The following FOXP1 variants were observed in gnomAD, a reference collection of about 807,000 sequenced individuals.
FOXP1 encodes the protein forkhead box P1, also known as forkhead box protein P1.
Under a neutral mutation model 98.2 loss-of-function variants are expected in FOXP1, and 15 were observed. The observed-to-expected ratio is 0.15, with a 90% confidence interval of 0.10 to 0.24. The LOEUF is 0.24. Ranked by LOEUF, FOXP1 falls within the 10% of genes least tolerant of loss-of-function variation. FOXP1 has a pLI of 1.00. For missense variants in FOXP1, 633 were observed against 848.5 expected, an observed-to-expected ratio of 0.75 and a Z score of 3.15; for synonymous variants, 371 against 314.5, an observed-to-expected ratio of 1.18 and a Z score of -1.90.
chr3:71,243,747 T>C (rs1185640633), intron 5 of FOXP1, among the ~76,000 whole-genome samples: 1 of 152,206 alleles, frequency 6.6e-6, no homozygotes, highest in East Asian at 1.9e-4. Context: ...TTTGCACTTG[T>C]TTTCAATTAT....
intron 11 of FOXP1, among the ~76,000 whole-genome samples, chr3:71,033,252 C>T (rs1267093411): frequency 2.6e-5 from 4 of 152,100 alleles, no homozygotes; most frequent in Non-Finnish European, 2.9e-5. Flanking sequence ...AGAATGTCTA[C>T]CTTACAAGGT....
intron 6 of FOXP1, among the ~76,000 whole-genome samples, chr3:71,194,663 A>G (rs558912463): frequency 6.6e-6 from 1 of 152,358 alleles, no homozygotes; most frequent in African/African-American, 2.4e-5. Flanking sequence ...TGCACATCCA[A>G]TACAACTTTT....
chr3:71,399,040 T>A (rs1023573466), intron 3 of FOXP1, among the ~76,000 whole-genome samples: 1 of 152,198 alleles, frequency 6.6e-6, no homozygotes, highest in Non-Finnish European at 1.5e-5. Flanking sequence ...GATTTAGACA[T>A]AAAAGTTATT....
At chr3:71,078,222 G>A (rs887827361) in intron 7 of FOXP1, among the ~76,000 whole-genome samples, 1 of 152,204 alleles carries the variant, frequency 6.6e-6, no homozygotes, top group Non-Finnish European at 1.5e-5. Context: ...TTCACATAGT[G>A]TTAAGGAAAA....
chr3:71,543,014 G>A (rs1211140203), intron 2 of FOXP1, among the ~76,000 whole-genome samples: 3 of 152,158 alleles, frequency 2.0e-5, no homozygotes, highest in Admixed American at 6.5e-5. Context: ...TGTTTAGCCC[G>A]CACAATACTG....
intron 6 of FOXP1, among the ~76,000 whole-genome samples, chr3:71,125,099 CCCATGCCTTG>C (rs2059066218): frequency 6.6e-6 from 1 of 152,310 alleles, no homozygotes; most frequent in African/African-American, 2.4e-5. Context: ...CAAACATTCA[CCCATGCCTTG>C]CCAATTCTCA....
intron 20 of FOXP1, among the ~76,000 whole-genome samples, chr3:70,962,630 T>TG: frequency 6.6e-6 from 1 of 152,338 alleles, no homozygotes; most frequent in South Asian, 2.1e-4. Flanking sequence ...ATTACTGAAA[T>TG]TTATGTTTTA....
chr3:71,066,819 GACTA>G (rs1553721128), intron 7 of FOXP1, among the ~76,000 whole-genome samples: 2 of 152,216 alleles, frequency 1.3e-5, no homozygotes, highest in Non-Finnish European at 2.9e-5. Context: ...TCAGAAGGTG[GACTA>G]ACTCCTTAGC....
intron 3 of FOXP1, among the ~76,000 whole-genome samples, chr3:71,397,088 A>ATATACATATACATACATATGTG (rs1553871660): frequency 1.5e-4 from 1 of 6,498 alleles, no homozygotes; most frequent in Non-Finnish European, 2.7e-4. Flanking sequence ...ATATATGTGT[A>ATATACATATACATACATATGTG]TATATATATA....
chr3:71,295,540 G>A (rs1224704694), intron 5 of FOXP1, among the ~76,000 whole-genome samples: 1 of 150,422 alleles, frequency 6.6e-6, no homozygotes, highest in Non-Finnish European at 1.5e-5. Flanking sequence ...TTGTTTTTTA[G>A]TTTTCTCTCA....
chr3:71,131,372 G>A (rs181108464), intron 6 of FOXP1, among the ~76,000 whole-genome samples: 1 of 138,980 alleles, frequency 7.2e-6, no homozygotes, highest in Admixed American at 8.0e-5. Context: ...TTGAAAAACA[G>A]GAGGAAGAGT....
intron 7 of FOXP1, among the ~76,000 whole-genome samples, chr3:71,066,121 A>G (rs2052477218): frequency 6.6e-6 from 1 of 151,408 alleles, no homozygotes; most frequent in African/African-American, 2.4e-5. Flanking sequence ...AGGCAACAAA[A>G]TCTGACCCAG....
chr3:71,120,233 A>G (rs2058663266), intron 6 of FOXP1, among the ~76,000 whole-genome samples: 1 of 152,142 alleles, frequency 6.6e-6, no homozygotes, highest in African/African-American at 2.4e-5. Flanking sequence ...AAGGGTGTGG[A>G]CTCTGAACAT....
chr3:71,298,150 G>A (rs894520751), intron 5 of FOXP1, among the ~76,000 whole-genome samples: 1 of 152,124 alleles, frequency 6.6e-6, no homozygotes, highest in Non-Finnish European at 1.5e-5. Context: ...CCTTGATATA[G>A]ATTAATGTCT....
Position 70,958,787 on chromosome 3 carries a change from T to TCAACATG in FOXP1, c.*453_*459dup, listed in dbSNP as rs1414143874. On this transcript the variant is annotated 3_prime_UTR_variant, in exon 21 of 21. Transcript: ENST00000649528. ...AAAAAAGGAGTAAAGGCAGTGATAA[T>TCAACATG]CAACATGCAGTACTGTGCAAATAGG... is the stretch of plus-strand genomic sequence containing the variant. 8.9e-6 allele frequency: 1 copy of TCAACATG among 111,928 alleles called. No individual in the cohort carries two copies. Among genetic ancestry groups the TCAACATG allele is most frequent in the Non-Finnish European group, 1.7e-5 (1 of 60,410 alleles). The allele number at this position is 111,928 out of a possible 1,614,324, so 6.9% of individuals were successfully genotyped here. A position where few individuals can be genotyped will look rare whatever the true frequency, so the allele number is the denominator to read the frequency against.
At chr3:71,534,574 G>A (rs1391460888) in intron 2 of FOXP1, among the ~76,000 whole-genome samples, 5 of 152,208 alleles carry the variant, frequency 3.3e-5, no homozygotes, top group Non-Finnish European at 7.3e-5. Context: ...CTTATAAGCA[G>A]TAATTAAACT....
chr3:71,265,541 G>A (rs2069554939), intron 5 of FOXP1, among the ~76,000 whole-genome samples: 3 of 152,200 alleles, frequency 2.0e-5, no homozygotes, highest in Admixed American at 1.3e-4. Flanking sequence ...CCAGATGTGA[G>A]ACAAAGATAC....
chr3:71,183,368 G>A (rs967012784), intron 6 of FOXP1, among the ~76,000 whole-genome samples: 8 of 152,158 alleles, frequency 5.3e-5, no homozygotes, highest in East Asian at 3.9e-4. Flanking sequence ...CAATAGTGGC[G>A]CGAGCCTGCA....
At chr3:71,000,712 T>TAC (rs1423605909) in intron 13 of FOXP1, among the ~76,000 whole-genome samples, 1 of 151,608 alleles carries the variant, frequency 6.6e-6, no homozygotes, top group Non-Finnish European at 1.5e-5. Flanking sequence ...GTTGGCTGCA[T>TAC]ACACACAGGT....
Sources: gnomAD v4.1 joint callset for allele counts (sites outside exome capture counted in the v4.1 genomes callset) on GRCh38, gnomAD v4.1.1 for gene constraint, MANE v1.5 for transcripts, NCBI Gene and HGNC (gene_info 2026-07-23, HGNC 2026-07-21) for gene names.